The following SLC27A6 variants were observed in gnomAD, a reference collection of about 807,000 sequenced individuals.
The protein encoded by SLC27A6 is solute carrier family 27 member 6.
A neutral mutation model predicts 63.9 loss-of-function variants in SLC27A6; 74 were observed. The ratio of observed to expected loss-of-function variants is 1.16; its 90% CI spans 0.96 to 1.40. The LOEUF (loss-of-function observed/expected upper bound fraction) is 1.40, where lower values mean the gene tolerates loss of function less well. SLC27A6 is among the 40% of genes most tolerant of loss of function. The pLI is 0.00. For synonymous variants in SLC27A6, 287 were observed against 260.8 expected (o/e 1.10, Z -0.97); for missense variants, 794 against 732.9 (o/e 1.08, Z -0.96).
intron 5 of SLC27A6, among the ~76,000 whole-genome samples, chr5:129,020,572 T>A (rs1272759338): frequency 6.6e-6 from 1 of 152,110 alleles, no homozygotes; most frequent in Non-Finnish European, 1.5e-5. Context: ...GAATTTAAAA[T>A]TTACCATCTA....
chr5:128,986,397 A>C (rs559980060), intron 2 of SLC27A6, among the ~76,000 whole-genome samples: 25 of 152,364 alleles, frequency 1.6e-4, no homozygotes. Context: ...GGTAGCCTAA[A>C]TAGGCTTTCA....
At chr5:129,021,632 G>A (rs1368369693) in intron 5 of SLC27A6, among the ~76,000 whole-genome samples, 1 of 152,106 alleles carries the variant, frequency 6.6e-6, no homozygotes, top group Non-Finnish European at 1.5e-5. Context: ...ATGTACATTT[G>A]GGAGATTTTA....
chr5:128,983,808 C>G (rs1248631411), intron 1 of SLC27A6, among the ~76,000 whole-genome samples: 16 of 152,124 alleles, frequency 1.1e-4, no homozygotes, highest in Admixed American at 1.0e-3. Context: ...TTTATTTTCT[C>G]ACAGTTCTGG....
intron 1 of SLC27A6, among the ~76,000 whole-genome samples, chr5:128,973,358 G>A (rs963047424): frequency 7.2e-5 from 11 of 152,208 alleles, no homozygotes; most frequent in African/African-American, 2.7e-4. Flanking sequence ...CTTTTATTCA[G>A]CTATGCCCTG....
intron 4 of SLC27A6, among the ~76,000 whole-genome samples, chr5:128,998,117 C>CAAAAAAAA (rs34463699): frequency 1.1e-5 from 1 of 89,386 alleles, no homozygotes; most frequent in Non-Finnish European, 2.2e-5. Flanking sequence ...CCCATCTCTA[C>CAAAAAAAA]AAAAAAAAAA....
At chr5:128,980,570 T>A (rs1266762285) in intron 1 of SLC27A6, among the ~76,000 whole-genome samples, 1 of 152,202 alleles carries the variant, frequency 6.6e-6, no homozygotes, top group Non-Finnish European at 1.5e-5. Context: ...TACTTAATCA[T>A]CAATTTTCTT....
intron 3 of SLC27A6, among the ~76,000 whole-genome samples, chr5:128,989,313 A>G (rs1750894946): frequency 6.6e-6 from 1 of 152,220 alleles, no homozygotes; most frequent in Non-Finnish European, 1.5e-5. Context: ...TAGACACTCA[A>G]TAAATTAGTT....
At chr5:128,973,703 G>A (rs1229623045) in intron 1 of SLC27A6, among the ~76,000 whole-genome samples, 1 of 152,184 alleles carries the variant, frequency 6.6e-6, no homozygotes, top group Non-Finnish European at 1.5e-5. Context: ...CTGGGAAAGG[G>A]AATTCCCTGA....
rs754916870 is a variant in SLC27A6, at chr5:129,027,157, G to T, written c.1280G>T (p.Arg427Leu). 5 of 1,613,198 alleles carry T rather than the reference G, an allele frequency of 3.1e-6. No homozygotes were observed. The African/African-American group carries it at 5.3e-5, about 17-fold the overall frequency. Reference protein sequence around the residue: ...KKGEPGLLISRVNAKNPFFGY... With the variant: ...KKGEPGLLISLVNAKNPFFGY... ...GGAGAACCTGGACTTCTCATTTCTC[G>T]AGTGAATGCAAAAAATCCCTTCTTT... The change falls in exon 7 of 10, where the codon CGA becomes CTA. Residue 427 changes from arginine to leucine, a missense_variant. Transcript: ENST00000262462.
intron 8 of SLC27A6, among the ~76,000 whole-genome samples, chr5:129,029,365 T>TA (rs1421300606): frequency 6.6e-6 from 1 of 152,022 alleles, no homozygotes; most frequent in Non-Finnish European, 1.5e-5. Flanking sequence ...TATAGGCAAT[T>TA]AGAGATAGAC....
chr5:128,993,541 C>T (rs955523926), intron 4 of SLC27A6, among the ~76,000 whole-genome samples: 23 of 152,060 alleles, frequency 1.5e-4, no homozygotes, highest in African/African-American at 5.3e-4. Flanking sequence ...TTAAAAATGT[C>T]TCTTTTGTGT....
intron 4 of SLC27A6, among the ~76,000 whole-genome samples, chr5:129,014,221 G>A (rs1298759933): frequency 6.6e-6 from 1 of 152,176 alleles, no homozygotes; most frequent in Non-Finnish European, 1.5e-5. Flanking sequence ...GCATCTCTAA[G>A]CAAAGAGCTT....
At chr5:128,980,699 T>A (rs1228448498) in intron 1 of SLC27A6, among the ~76,000 whole-genome samples, 2 of 152,206 alleles carry the variant, frequency 1.3e-5, no homozygotes. Context: ...TAATGTTGCT[T>A]TGCAGTATGG....
At chr5:129,021,015 G>A (rs1216593836) in intron 5 of SLC27A6, among the ~76,000 whole-genome samples, 2 of 151,736 alleles carry the variant, frequency 1.3e-5, no homozygotes, top group Non-Finnish European at 2.9e-5. Flanking sequence ...TTGATGTCCA[G>A]TCTTTCTGGG....
intron 4 of SLC27A6, among the ~76,000 whole-genome samples, chr5:128,993,075 G>A (rs885714): frequency 0.99 from 151,239 of 152,368 alleles, 75,065 homozygotes; most frequent in East Asian, 1. Flanking sequence ...GCCAAAGTAT[G>A]TGGATACTTT....
intron 4 of SLC27A6, among the ~76,000 whole-genome samples, chr5:129,014,310 G>A (rs1313142306): frequency 6.6e-6 from 1 of 152,170 alleles, no homozygotes; most frequent in Non-Finnish European, 1.5e-5. Flanking sequence ...AAAAGGAAAG[G>A]CTGGGGTTTT....
At chr5:129,020,494 G>T (rs989466339) in intron 5 of SLC27A6, among the ~76,000 whole-genome samples, 25 of 126,460 alleles carry the variant, frequency 2.0e-4, no homozygotes, top group Middle Eastern at 4.0e-3. Context: ...AAATGGGAGT[G>T]GGGGGGAGGA....
intron 4 of SLC27A6, among the ~76,000 whole-genome samples, chr5:128,997,766 G>T (rs1751207078): frequency 6.6e-6 from 1 of 152,154 alleles, no homozygotes; most frequent in African/African-American, 2.4e-5. Context: ...GAAACCATCT[G>T]ATAGTGCATT....
intron 4 of SLC27A6, among the ~76,000 whole-genome samples, chr5:129,008,343 T>G (rs1751615653): frequency 6.6e-6 from 1 of 152,328 alleles, no homozygotes; most frequent in African/African-American, 2.4e-5. Context: ...ATCAACTGAA[T>G]TTCTTAGGAT....
Sources: gnomAD v4.1 joint callset for allele counts (sites outside exome capture counted in the v4.1 genomes callset) on GRCh38, gnomAD v4.1.1 for gene constraint, MANE v1.5 for transcripts, NCBI Gene and HGNC (gene_info 2026-07-23, HGNC 2026-07-21) for gene names.